Variants in CENPP observed in about 807,000 individuals in gnomAD.
CENPP encodes the protein centromere protein P.
A neutral mutation model predicts 35.6 loss-of-function variants in CENPP; 24 were observed. The ratio of observed to expected loss-of-function variants is 0.67; its 90% CI spans 0.49 to 0.95. The LOEUF is 0.95. Among genes scored for constraint, CENPP ranks in the 40% least tolerant of loss-of-function variants. CENPP has a pLI of 0.00. For missense variants in CENPP, 332 were observed against 345.3 expected, an observed-to-expected ratio of 0.96 and a Z score of 0.31; for synonymous variants, 120 against 125.5, an observed-to-expected ratio of 0.96 and a Z score of 0.29.
intron 5 of CENPP, among the ~76,000 whole-genome samples, chr9:92,430,078 C>G (rs574775429): frequency 1.3e-5 from 2 of 152,220 alleles, no homozygotes; most frequent in South Asian, 4.2e-4. Flanking sequence ...AGTGGCACTC[C>G]CAGCTGTTAA....
At chr9:92,531,554 A>G (rs568174110) in intron 5 of CENPP, among the ~76,000 whole-genome samples, 59 of 152,086 alleles carry the variant, frequency 3.9e-4, no homozygotes, top group Non-Finnish European at 7.4e-4. Flanking sequence ...TTATGGGGAG[A>G]TGCCCTGTAT....
intron 4 of CENPP, among the ~76,000 whole-genome samples, chr9:92,363,055 A>G (rs577578048): frequency 6.6e-6 from 1 of 152,256 alleles, no homozygotes; most frequent in South Asian, 2.1e-4. Flanking sequence ...GGCTCACAAT[A>G]TACCTGTCCT....
At chr9:92,431,713 T>G (rs1003385880) in intron 5 of CENPP, among the ~76,000 whole-genome samples, 1 of 152,232 alleles carries the variant, frequency 6.6e-6, no homozygotes. Flanking sequence ...TAGCTGGGAT[T>G]ACAGGCGCCT....
At chr9:92,459,615 C>T (rs372055606) in intron 5 of CENPP, 5 of 1,609,988 alleles carry the variant, frequency 3.1e-6, no homozygotes, top group Non-Finnish European at 4.2e-6. Context: ...CTACTGAACA[C>T]AAGTAGAATG....
chr9:92,546,397 T>G (rs1027722084), intron 5 of CENPP, among the ~76,000 whole-genome samples: 17 of 152,156 alleles, frequency 1.1e-4, no homozygotes, highest in African/African-American at 4.1e-4. Context: ...TGCTGCTCAC[T>G]CTTTGGGTCC....
chr9:92,329,275 C>A (rs573385577), intron 1 of CENPP, among the ~76,000 whole-genome samples: 56 of 151,618 alleles, frequency 3.7e-4, no homozygotes, highest in African/African-American at 1.3e-3. Flanking sequence ...ACCTCCGCCC[C>A]CTGGGTTCAA....
At chr9:92,391,275 C>T (rs1032658297) in intron 5 of CENPP, among the ~76,000 whole-genome samples, 91 of 150,796 alleles carry the variant, frequency 6.0e-4, no homozygotes, top group Non-Finnish European at 6.9e-4. Context: ...GGCGTGGTGG[C>T]GAGCACTTGT....
At chr9:92,612,382 G>C (rs970735710) in intron 6 of CENPP, 141 bp from the exon 7 acceptor site, 4 of 668,534 alleles carry the variant, frequency 6.0e-6, no homozygotes, top group African/African-American at 1.8e-5. Context: ...GCTACTGACT[G>C]TGCCTCTTCT....
chr9:92,467,517 A>AC (rs1388768980), intron 5 of CENPP, among the ~76,000 whole-genome samples: 2 of 152,168 alleles, frequency 1.3e-5, no homozygotes, highest in African/African-American at 4.8e-5. Context: ...CGTCTTCAGG[A>AC]CCTTTTTGTC....
At chr9:92,454,057 A>G (rs569170398) in intron 5 of CENPP, among the ~76,000 whole-genome samples, 10 of 152,344 alleles carry the variant, frequency 6.6e-5, no homozygotes, top group African/African-American at 2.4e-4. Context: ...TCATAAACCC[A>G]ATAAATAGTA....
chr9:92,416,860 A>T, intron 5 of CENPP: 3 of 1,614,030 alleles, frequency 1.9e-6, no homozygotes, highest in Non-Finnish European at 1.7e-6. Context: ...ACATAAGTGA[A>T]GAAGGCAAAC....
At chr9:92,329,895 T>C (rs1004116603) in intron 1 of CENPP, among the ~76,000 whole-genome samples, 2 of 152,230 alleles carry the variant, frequency 1.3e-5, no homozygotes, top group Non-Finnish European at 2.9e-5. Context: ...GGCATCAGTC[T>C]ATGATGGCAA....
chr9:92,518,925 G>A (rs1847895518), intron 5 of CENPP, among the ~76,000 whole-genome samples: 1 of 152,082 alleles, frequency 6.6e-6, no homozygotes, highest in Non-Finnish European at 1.5e-5. Flanking sequence ...ATGATGCAGT[G>A]CATATATTCA....
At chr9:92,399,574 T>C (rs1843025877) in intron 5 of CENPP, among the ~76,000 whole-genome samples, 1 of 152,224 alleles carries the variant, frequency 6.6e-6, no homozygotes, top group Non-Finnish European at 1.5e-5. Flanking sequence ...TATTGTTCTG[T>C]TCTATTGTTG....
intron 5 of CENPP, among the ~76,000 whole-genome samples, chr9:92,546,071 C>A (rs1235140209): frequency 1.3e-5 from 2 of 151,966 alleles, no homozygotes; most frequent in Non-Finnish European, 2.9e-5. Context: ...CCAATCAGCA[C>A]CCTGTGTCTA....
At chr9:92,501,718 G>A (rs1846688703) in intron 5 of CENPP, among the ~76,000 whole-genome samples, 1 of 152,178 alleles carries the variant, frequency 6.6e-6, no homozygotes, top group South Asian at 2.1e-4. Context: ...AGTGCCACAT[G>A]CTGCTGAGCC....
chr9:92,458,557 G>A (rs1294315661), intron 5 of CENPP, among the ~76,000 whole-genome samples: 1 of 152,170 alleles, frequency 6.6e-6, no homozygotes, highest in African/African-American at 2.4e-5. Flanking sequence ...GGACATCAGT[G>A]TGTTTACTTT....
At chr9:92,596,556 G>C (rs1850789448) in intron 5 of CENPP, among the ~76,000 whole-genome samples, 1 of 151,286 alleles carries the variant, frequency 6.6e-6, no homozygotes, top group African/African-American at 2.4e-5. Context: ...ACGAGAGAAA[G>C]CCTTGAGGAA....
At chr9:92,420,108 C>A (rs1843741285) in intron 5 of CENPP, among the ~76,000 whole-genome samples, 2 of 152,186 alleles carry the variant, frequency 1.3e-5, no homozygotes, top group African/African-American at 4.8e-5. Context: ...TGCTCCCATG[C>A]ACCCGCATCC....
Sources: gnomAD v4.1 joint callset for allele counts (sites outside exome capture counted in the v4.1 genomes callset) on GRCh38, gnomAD v4.1.1 for gene constraint, MANE v1.5 for transcripts, NCBI Gene and HGNC (gene_info 2026-07-23, HGNC 2026-07-21) for gene names.